LUZP2: variants seen among roughly 807,000 people sequenced by gnomAD.
LUZP2 encodes leucine zipper protein 2.
In LUZP2, 52 loss-of-function variants were observed where a neutral mutation model predicts 51.6. The ratio of observed to expected loss-of-function variants is 1.01; its 90% confidence interval spans 0.81 to 1.27. The LOEUF is 1.27. LUZP2 is among the 50% of genes most tolerant of loss of function. The probability of loss-of-function intolerance (pLI) is 0.00; values close to 1 mark genes in which losing one functional copy is unlikely to be tolerated. For synonymous variants in LUZP2, 154 were observed against 137.3 expected (o/e 1.12, Z -0.85); for missense variants, 436 against 395.4 (o/e 1.10, Z -0.87).
chr11:24,731,413 T>C (rs1439444223), intron 2 of LUZP2, among the ~76,000 whole-genome samples: 1 of 151,718 alleles, frequency 6.6e-6, no homozygotes, highest in Admixed American at 6.6e-5. Flanking sequence ...ATTAGTTTAT[T>C]GAATATAAAT....
intron 1 of LUZP2, among the ~76,000 whole-genome samples, chr11:24,555,807 T>C (rs1851851779): frequency 6.6e-6 from 1 of 152,104 alleles, no homozygotes; most frequent in African/African-American, 2.4e-5. Context: ...AGACCCTTTC[T>C]CTACAAATAA....
intron 1 of LUZP2, among the ~76,000 whole-genome samples, chr11:24,660,142 G>A (rs562897978): frequency 2.2e-4 from 34 of 152,232 alleles, no homozygotes; most frequent in African/African-American, 6.7e-4. Context: ...AAGGTGAATC[G>A]TGCCAATACC....
intron 5 of LUZP2, among the ~76,000 whole-genome samples, chr11:24,831,357 T>C (rs954108743): frequency 2.6e-5 from 4 of 152,208 alleles, no homozygotes; most frequent in African/African-American, 4.8e-5. Context: ...GTAATCAGTA[T>C]GTAGTCACTT....
intron 7 of LUZP2, among the ~76,000 whole-genome samples, chr11:24,949,267 CCTAT>C (rs988756187): frequency 6.6e-5 from 10 of 151,136 alleles, no homozygotes; most frequent in African/African-American, 1.9e-4. Flanking sequence ...TTTCTTTCTT[CCTAT>C]CTATCTATTA....
chr11:24,793,688 T>A (rs1200819730), intron 5 of LUZP2, among the ~76,000 whole-genome samples: 4 of 152,128 alleles, frequency 2.6e-5, no homozygotes, highest in Non-Finnish European at 2.9e-5. Flanking sequence ...TCTTGCCTTA[T>A]AAGACAAGAA....
In LUZP2 at chr11:24,774,362, C is replaced by CTCTCTCTCTATATA. The variant is rs776739280; in HGVS notation, c.396+11055_396+11056insCTCTCTCTATATAT. 4.0e-3 allele frequency among the ~76,000 whole-genome samples: 304 copies of CTCTCTCTCTATATA among 76,206 alleles called. 3 individuals carry two copies. The highest frequency in any genetic ancestry group is 5.7e-3 in the Non-Finnish European group (237 of 41,746). The allele number at this position is 76,206 out of a possible 152,430, so 50.0% of individuals were successfully genotyped here. On this transcript the variant is annotated intron_variant, in intron 5 of 11. Transcript: ENST00000336930. ...TCTCTCTCTCTCTCTCTCTCTCTCT[C>CTCTCTCTCTATATA]TATATATATATATATATATACATAC...
At chr11:25,058,458 T>C (rs898871119) in intron 10 of LUZP2, among the ~76,000 whole-genome samples, 1 of 152,130 alleles carries the variant, frequency 6.6e-6, no homozygotes, top group Non-Finnish European at 1.5e-5. Flanking sequence ...CAAAGCATAA[T>C]CTGATAAATA....
At position 25,081,557 on chromosome 11, in the gene LUZP2, T is replaced by C. The variant is rs1859459903; in HGVS notation, c.*2899T>C. The C allele has an allele frequency of 6.6e-6, 1 of 152,192 alleles. No individual in the cohort carries two copies. The highest frequency in any genetic ancestry group is 6.5e-5 in the Admixed American group (1 of 15,272). The allele number at this position is 152,192 out of a possible 1,614,324, so 9.4% of individuals were successfully genotyped here. On this transcript the variant is annotated 3_prime_UTR_variant, in exon 12 of 12. Coordinates refer to ENST00000336930, the MANE Select transcript of LUZP2 (RefSeq NM_001009909.4). ...AATGCATTTTATTTATCTCAATTTT[T>C]ATTTGCTTCAAAATAGAATCGGATA...
intron 9 of LUZP2, among the ~76,000 whole-genome samples, chr11:25,015,897 C>CTTTTTT (rs553027081): frequency 8.1e-4 from 109 of 134,086 alleles, no homozygotes; most frequent in East Asian, 7.2e-3. Context: ...GTGTGAATTT[C>CTTTTTT]TTTTTTTTTT....
At chr11:24,919,841 T>C (rs1452414454) in intron 7 of LUZP2, among the ~76,000 whole-genome samples, 1 of 151,170 alleles carries the variant, frequency 6.6e-6, no homozygotes, top group Non-Finnish European at 1.5e-5. Flanking sequence ...TACAATAGTT[T>C]ACTCTCCCAT....
At chr11:24,759,585 A>G (rs1188920006) in intron 4 of LUZP2, among the ~76,000 whole-genome samples, 6 of 152,148 alleles carry the variant, frequency 3.9e-5, no homozygotes, top group Non-Finnish European at 8.8e-5. Flanking sequence ...TGCAGTATCC[A>G]TATATGGGGA....
chr11:24,763,323 A>G lies in LUZP2; in HGVS notation c.396+15A>G, dbSNP rs1860054760. Reference sequence around the variant, plus strand: ...TCCAGAATGAGGTAAGATATATTTCATCTTAGATACATTTTATATAGATCA... The same window carrying G: ...TCCAGAATGAGGTAAGATATATTTCGTCTTAGATACATTTTATATAGATCA... On this transcript the variant is annotated intron_variant, in intron 5 of 11. Coordinates refer to ENST00000336930, the MANE Select transcript of LUZP2 (RefSeq NM_001009909.4). 1 of 1,222,956 alleles carries G rather than the reference A, an allele frequency of 8.2e-7. No homozygotes were observed. The highest frequency in any genetic ancestry group is 1.1e-6 in the Non-Finnish European group (1 of 900,498). The allele number at this position is 1,222,956 out of a possible 1,614,324, so 75.8% of individuals were successfully genotyped here.
chr11:24,540,310 A>G (rs764006997), intron 1 of LUZP2, among the ~76,000 whole-genome samples: 4 of 152,102 alleles, frequency 2.6e-5, no homozygotes, highest in Non-Finnish European at 4.4e-5. Flanking sequence ...TTGAAACTCT[A>G]TCCCTCCAAT....
At chr11:24,500,765 G>A (rs2133748301) in intron 1 of LUZP2, among the ~76,000 whole-genome samples, 1 of 152,242 alleles carries the variant, frequency 6.6e-6, no homozygotes, top group Middle Eastern at 3.4e-3. Context: ...CAAGAACTTT[G>A]AGCAGATGGT....
chr11:24,746,317 C>T (rs1391614603), intron 4 of LUZP2, among the ~76,000 whole-genome samples: 1 of 152,104 alleles, frequency 6.6e-6, no homozygotes, highest in African/African-American at 2.4e-5. Flanking sequence ...ATGATGCTTA[C>T]TTTCACTGGA....
At chr11:25,057,694 A>G (rs1401658777) in intron 10 of LUZP2, among the ~76,000 whole-genome samples, 1 of 152,086 alleles carries the variant, frequency 6.6e-6, no homozygotes, top group African/African-American at 2.4e-5. Flanking sequence ...CAAACATTTA[A>G]TTTTTCTTAC....
At chr11:24,962,425 T>C (rs1341169410) in intron 7 of LUZP2, among the ~76,000 whole-genome samples, 2 of 152,230 alleles carry the variant, frequency 1.3e-5, no homozygotes, top group African/African-American at 4.8e-5. Context: ...ATTTGGTTTT[T>C]TCACATAGTC....
At chr11:25,056,960 C>T (rs1858704581) in intron 10 of LUZP2, among the ~76,000 whole-genome samples, 1 of 152,108 alleles carries the variant, frequency 6.6e-6, no homozygotes, top group Admixed American at 6.5e-5. Flanking sequence ...ATTAGCTGGG[C>T]GTGGTGGCAG....
chr11:24,601,862 A>G (rs12275705), intron 1 of LUZP2, among the ~76,000 whole-genome samples: 199 of 126,070 alleles, frequency 1.6e-3, no homozygotes, highest in Middle Eastern at 0.015. Flanking sequence ...ATATATATAT[A>G]TGTGTATATG....
Sources: gnomAD v4.1 joint callset for allele counts (sites outside exome capture counted in the v4.1 genomes callset) on GRCh38, gnomAD v4.1.1 for gene constraint, MANE v1.5 for transcripts, NCBI Gene and HGNC (gene_info 2026-07-23, HGNC 2026-07-21) for gene names.